Variants in MTFR1 observed in about 807,000 individuals in gnomAD.
The protein encoded by MTFR1 is mitochondrial fission regulator 1, also known as chondrocyte protein with a poly-proline region.
In MTFR1, 28 loss-of-function variants were observed where a neutral mutation model predicts 38.8. The ratio of observed to expected loss-of-function variants is 0.72; its 90% CI spans 0.53 to 0.99. The LOEUF (loss-of-function observed/expected upper bound fraction) is 0.99, where lower values mean the gene tolerates loss of function less well. Ranked by LOEUF, MTFR1 falls within the 50% of genes least tolerant of loss-of-function variation. The probability of loss-of-function intolerance (pLI) is 0.00; values close to 1 mark genes in which losing one functional copy is unlikely to be tolerated. For missense variants in MTFR1, 358 were observed against 395.5 expected, an observed-to-expected ratio of 0.91 and a Z score of 0.81; for synonymous variants, 145 against 137.0, an observed-to-expected ratio of 1.06 and a Z score of -0.41.
At chr8:65,762,604 GAGATAATATATGCAGTA>G (rs1808558336) in intron 3 of MTFR1, among the ~76,000 whole-genome samples, 2 of 152,164 alleles carry the variant, frequency 1.3e-5, no homozygotes, top group Admixed American at 1.3e-4. Flanking sequence ...AAGATTAAAT[GAGATAATATATGCAGTA>G]TGTCTTTGCA....
intron 3 of MTFR1, among the ~76,000 whole-genome samples, chr8:65,761,064 CTTTTTTT>C (rs748642226): frequency 7.0e-6 from 1 of 143,100 alleles, no homozygotes; most frequent in Middle Eastern, 3.4e-3. Flanking sequence ...ATTGTTTTTT[CTTTTTTT>C]TTTTTTTAGA....
At chr8:65,720,422 G>T (rs1368751151) in intron 3 of MTFR1, 1 of 154,082 alleles carries the variant, frequency 6.5e-6, no homozygotes, top group Non-Finnish European at 1.5e-5. Flanking sequence ...TGCAGCAAAA[G>T]ACCATGTGGA....
chr8:65,736,628 A>G (rs1178927164), intron 3 of MTFR1, among the ~76,000 whole-genome samples: 1 of 151,704 alleles, frequency 6.6e-6, no homozygotes, highest in Non-Finnish European at 1.5e-5. Flanking sequence ...GTGCACACCT[A>G]TATTCCTAGC....
intron 1 of MTFR1, among the ~76,000 whole-genome samples, chr8:65,645,997 T>C (rs1808956402): frequency 6.6e-6 from 1 of 152,232 alleles, no homozygotes; most frequent in Admixed American, 6.5e-5. Context: ...ATTTAGTTTG[T>C]ACTACCAGAA....
intron 3 of MTFR1, among the ~76,000 whole-genome samples, chr8:65,730,723 T>G (rs1366094743): frequency 1.3e-5 from 2 of 151,410 alleles, no homozygotes; most frequent in Admixed American, 1.3e-4. Context: ...AAGTCAGGAG[T>G]TCGAGACTAG....
intron 3 of MTFR1, among the ~76,000 whole-genome samples, chr8:65,744,903 A>C (rs1807601510): frequency 6.6e-6 from 1 of 152,208 alleles, no homozygotes; most frequent in Admixed American, 6.5e-5. Flanking sequence ...AGTCACTTAA[A>C]AAGAGAAAAA....
At chr8:65,676,253 C>G (rs968481878) in intron 2 of MTFR1, among the ~76,000 whole-genome samples, 10 of 152,214 alleles carry the variant, frequency 6.6e-5, no homozygotes, top group African/African-American at 2.2e-4. Context: ...AGTATGGATG[C>G]TCTTCCCAGA....
At chr8:65,746,669 A>T (rs750398709) in intron 3 of MTFR1, among the ~76,000 whole-genome samples, 45 of 152,208 alleles carry the variant, frequency 3.0e-4, no homozygotes, top group Non-Finnish European at 5.9e-4. Context: ...CATGAGCAAC[A>T]CTAAGATACT....
At chr8:65,708,035 T>C (rs764229277) in intron 7 of MTFR1, 24 bp downstream of exon 7, 1 of 1,609,410 alleles carries the variant, frequency 6.2e-7, no homozygotes, top group Admixed American at 1.7e-5. Context: ...CCAGATTTCT[T>C]TCCTGTTATG....
rs1295702544 is a variant in MTFR1 at position 65,709,052 on chromosome 8, T to C, written c.*8T>C. 4.3e-6 allele frequency: 7 copies of C among 1,613,654 alleles called. No homozygotes were observed. Among genetic ancestry groups the C allele is most frequent in the Non-Finnish European group, 5.9e-6 (7 of 1,179,620 alleles). Reference sequence around the variant, plus strand: ...AATGTATCAGACTCCTAATAGACAATGAGCTGCGAAAAGACTCCTGGTTCC... The same window carrying C: ...AATGTATCAGACTCCTAATAGACAACGAGCTGCGAAAAGACTCCTGGTTCC... On this transcript the variant is annotated 3_prime_UTR_variant, in exon 8 of 8. Coordinates refer to ENST00000262146, the MANE Select transcript of MTFR1 (RefSeq NM_014637.4).
chr8:65,648,566 A>G (rs1336926914), intron 1 of MTFR1, among the ~76,000 whole-genome samples: 3 of 152,160 alleles, frequency 2.0e-5, no homozygotes, highest in Non-Finnish European at 4.4e-5. Flanking sequence ...TCTGCAAGTC[A>G]TTTTTACCAA....
intron 3 of MTFR1, among the ~76,000 whole-genome samples, chr8:65,740,807 T>C (rs1807391814): frequency 6.6e-6 from 1 of 152,152 alleles, no homozygotes; most frequent in South Asian, 2.1e-4. Flanking sequence ...CTCTCTCTCT[T>C]TTCTATATTG....
chr8:65,711,143 A>C (rs1805933471), downstream of MTFR1, among the ~76,000 whole-genome samples: 1 of 152,188 alleles, frequency 6.6e-6, no homozygotes, highest in Non-Finnish European at 1.5e-5. Context: ...TTCCAATAAA[A>C]TGATTTCTCC....
intron 1 of MTFR1, among the ~76,000 whole-genome samples, chr8:65,652,903 A>G (rs979784471): frequency 1.3e-5 from 2 of 152,302 alleles, no homozygotes; most frequent in South Asian, 2.1e-4. Context: ...GCCATTTTAT[A>G]TAAGGCACTT....
At chr8:65,768,196 C>G (rs754850295) in intron 3 of MTFR1, among the ~76,000 whole-genome samples, 37 of 152,206 alleles carry the variant, frequency 2.4e-4, no homozygotes, top group Non-Finnish European at 4.6e-4. Flanking sequence ...TTTTCCTACA[C>G]AGTGAGCATC....
intron 3 of MTFR1, among the ~76,000 whole-genome samples, chr8:65,750,637 T>C (rs1398299533): frequency 6.6e-6 from 1 of 152,154 alleles, no homozygotes; most frequent in Admixed American, 6.5e-5. Context: ...CACTGTGCTC[T>C]GTCACCATGG....
At chr8:65,778,595 C>T in the MTFR1 span, among the ~76,000 whole-genome samples, 1 of 152,144 alleles carries the variant, frequency 6.6e-6, no homozygotes, top group African/African-American at 2.4e-5. Context: ...TTATTTTATG[C>T]CAATAAGTTT....
intron 3 of MTFR1, among the ~76,000 whole-genome samples, chr8:65,723,843 C>T (rs1585825000): frequency 6.6e-6 from 1 of 152,140 alleles, no homozygotes; most frequent in Non-Finnish European, 1.5e-5. Flanking sequence ...TACCCCAAGA[C>T]TGTAATTTAT....
At chr8:65,688,038 T>C (rs1381045128) in intron 3 of MTFR1, among the ~76,000 whole-genome samples, 1 of 149,516 alleles carries the variant, frequency 6.7e-6, no homozygotes, top group Non-Finnish European at 1.5e-5. Flanking sequence ...AGACAGAGGT[T>C]GCAGTGAGCT....
Sources: allele counts gnomAD v4.1 joint callset (sites outside exome capture counted in the v4.1 genomes callset), GRCh38; gene constraint gnomAD v4.1.1; transcripts MANE v1.5; gene names NCBI Gene and HGNC (gene_info 2026-07-23, HGNC 2026-07-21).